EPHB1: variants seen among roughly 807,000 people sequenced by gnomAD.
The protein encoded by EPHB1 is EPH receptor B1, also known as ephrin type-B receptor 1.
A neutral mutation model predicts 94.4 loss-of-function variants in EPHB1; 30 were observed. That is an observed-to-expected ratio of 0.32 (90% CI 0.24 to 0.43). The LOEUF (loss-of-function observed/expected upper bound fraction) is 0.43, where lower values mean the gene tolerates loss of function less well. Ranked by LOEUF, EPHB1 falls within the 20% of genes least tolerant of loss-of-function variation. The probability of loss-of-function intolerance (pLI) is 1.00; values close to 1 mark genes in which losing one functional copy is unlikely to be tolerated. For missense variants in EPHB1, 1,055 were observed against 1,308.3 expected, an observed-to-expected ratio of 0.81 and a Z score of 2.99; for synonymous variants, 522 against 489.1, an observed-to-expected ratio of 1.07 and a Z score of -0.89.
At chr3:134,814,669 C>T (rs2036235429) in intron 1 of EPHB1, among the ~76,000 whole-genome samples, 2 of 152,238 alleles carry the variant, frequency 1.3e-5, no homozygotes, top group African/African-American at 2.4e-5. Flanking sequence ...ACTTGTGCCT[C>T]TCTGTCTTGG....
chr3:135,045,181 C>T (rs925181856), intron 3 of EPHB1, among the ~76,000 whole-genome samples: 13 of 152,038 alleles, frequency 8.6e-5, no homozygotes, highest in African/African-American at 3.1e-4. Flanking sequence ...ATGGGTAAAG[C>T]TTTGTTCTGT....
chr3:135,147,579 G>T lies in EPHB1; in HGVS notation c.1298-6573G>T, dbSNP rs910503213. ...CTGGGGCAGCAGCATCACTCTGGGG[G>T]GTCACTGGGAGGGCACCCTCCAACA... On this transcript the variant is annotated intron_variant, in intron 5 of 15. Coordinates refer to ENST00000398015, the MANE Select transcript of EPHB1 (RefSeq NM_004441.5). 2.6e-5 allele frequency among the ~76,000 whole-genome samples: 4 copies of T among 152,296 alleles called. No homozygotes were observed. The East Asian group carries it at 7.7e-4, about 29-fold the overall frequency.
In EPHB1 at chr3:134,908,585, G is replaced by C. The variant is rs4955513; in HGVS notation, c.59-17231G>C. 3.9e-3 allele frequency among the ~76,000 whole-genome samples: 587 copies of C among 152,320 alleles called. 13 individuals are homozygous for C. Among genetic ancestry groups the C allele is most frequent in the Admixed American group, 0.032 (487 of 15,310 alleles). ...GCTCCACCAGCGTGGTGAGGACAGGGGCAGGGCTGGGAAAGGCCTGATATA... is the reference window on the plus strand; with the variant it reads ...GCTCCACCAGCGTGGTGAGGACAGGCGCAGGGCTGGGAAAGGCCTGATATA... On this transcript the variant is annotated intron_variant, in intron 1 of 15. Transcript: ENST00000398015.
chr3:135,051,397 C>T (rs1937163851), intron 3 of EPHB1, among the ~76,000 whole-genome samples: 1 of 152,208 alleles, frequency 6.6e-6, no homozygotes, highest in Non-Finnish European at 1.5e-5. Context: ...AAGACAAAGG[C>T]ACCAAGGTGA....
chr3:134,888,356 C>T (rs557498637), intron 1 of EPHB1, among the ~76,000 whole-genome samples: 3 of 152,164 alleles, frequency 2.0e-5, no homozygotes, highest in Admixed American at 6.5e-5. Context: ...TGAGGACCTG[C>T]GGTGAAAGCT....
chr3:134,905,432 C>G (rs1257188609), intron 1 of EPHB1, among the ~76,000 whole-genome samples: 1 of 152,252 alleles, frequency 6.6e-6, no homozygotes, highest in Non-Finnish European at 1.5e-5. Context: ...TTTCTCTTGT[C>G]ATTCCCGGCA....
chr3:135,048,224 C>CTTT (rs71157318), intron 3 of EPHB1, among the ~76,000 whole-genome samples: 3,612 of 108,948 alleles, frequency 0.033, 212 homozygotes, highest in African/African-American at 0.12. Flanking sequence ...AAAAAATACT[C>CTTT]TTTTTTTTTT....
chr3:135,072,471 T>A (rs776962868), intron 3 of EPHB1, among the ~76,000 whole-genome samples: 1 of 152,162 alleles, frequency 6.6e-6, no homozygotes, highest in Non-Finnish European at 1.5e-5. Context: ...AATCAAATTT[T>A]TTACCAGCCC....
chr3:135,252,031 AATT>A lies in EPHB1; in HGVS notation c.2846+2546_2846+2548del, dbSNP rs1309622738. Among the ~76,000 whole-genome samples, 13 of 152,198 alleles carry A rather than the reference AATT, an allele frequency of 8.5e-5. No homozygotes were observed. The South Asian group carries it at 2.3e-3, about 27-fold the overall frequency. ...TTGCCTTGTTTATAAATAATTTATAAATTATTATAAATAATAATGCCCATCTCA... is the reference window on the plus strand; with the variant it reads ...TTGCCTTGTTTATAAATAATTTATAAATTATAAATAATAATGCCCATCTCA... On this transcript the variant is annotated intron_variant, in intron 15 of 15. Transcript: ENST00000398015.
intron 3 of EPHB1, among the ~76,000 whole-genome samples, chr3:135,062,603 T>C (rs1036101815): frequency 3.3e-5 from 5 of 152,218 alleles, no homozygotes; most frequent in East Asian, 1.9e-4. Context: ...GTCAGATGTA[T>C]AGATTGTGAA....
chr3:135,052,617 T>C (rs1029911306), intron 3 of EPHB1, among the ~76,000 whole-genome samples: 3 of 151,338 alleles, frequency 2.0e-5, no homozygotes, highest in Non-Finnish European at 4.4e-5. Context: ...ATCCCAGCAC[T>C]TTGGGAGGCC....
At chr3:135,020,952 A>G (rs1935968491) in intron 3 of EPHB1, among the ~76,000 whole-genome samples, 1 of 152,058 alleles carries the variant, frequency 6.6e-6, no homozygotes, top group South Asian at 2.1e-4. Context: ...TTTCTACCCC[A>G]TTTGCTGCTA....
intron 5 of EPHB1, among the ~76,000 whole-genome samples, chr3:135,143,573 C>CTG (rs1431346795): frequency 1.3e-5 from 2 of 152,176 alleles, no homozygotes; most frequent in Non-Finnish European, 2.9e-5. Flanking sequence ...TTGGAGTGGA[C>CTG]TGCCGTTCAT....
At chr3:134,946,036 AAG>A (rs1376588115) in intron 2 of EPHB1, among the ~76,000 whole-genome samples, 1 of 152,212 alleles carries the variant, frequency 6.6e-6, no homozygotes, top group Non-Finnish European at 1.5e-5. Context: ...TGATACCTGA[AAG>A]AGTGTTCAGG....
intron 12 of EPHB1, among the ~76,000 whole-genome samples, chr3:135,238,301 G>T (rs1014660294): frequency 2.6e-5 from 4 of 152,192 alleles, no homozygotes; most frequent in African/African-American, 9.7e-5. Context: ...GCTGTCACCT[G>T]CCTGTCCAGG....
At chr3:135,037,135 G>C (rs1272871898) in intron 3 of EPHB1, among the ~76,000 whole-genome samples, 2 of 152,236 alleles carry the variant, frequency 1.3e-5, no homozygotes, top group Non-Finnish European at 2.9e-5. Context: ...TGAAGAGCTA[G>C]AGTAACTGCT....
intron 1 of EPHB1, among the ~76,000 whole-genome samples, chr3:134,909,965 C>T (rs1050465228): frequency 2.0e-5 from 3 of 152,326 alleles, no homozygotes; most frequent in African/African-American, 4.8e-5. Context: ...CCAGGAAGAT[C>T]GAGCAGAGAG....
intron 1 of EPHB1, among the ~76,000 whole-genome samples, chr3:134,900,239 A>G (rs993104590): frequency 2.6e-5 from 4 of 152,240 alleles, no homozygotes; most frequent in African/African-American, 9.6e-5. Flanking sequence ...CTGAGAAGCC[A>G]TGGCCCTTGG....
chr3:135,015,892 C>T (rs1015648451), intron 3 of EPHB1, among the ~76,000 whole-genome samples: 4 of 152,066 alleles, frequency 2.6e-5, no homozygotes, highest in Non-Finnish European at 5.9e-5. Context: ...GGAAGAGGAC[C>T]CAGACAGGAC....
Sources: allele counts gnomAD v4.1 joint callset (sites outside exome capture counted in the v4.1 genomes callset), GRCh38; gene constraint gnomAD v4.1.1; transcripts MANE v1.5; gene names NCBI Gene and HGNC (gene_info 2026-07-23, HGNC 2026-07-21).